The following RARB variants were observed in gnomAD, a reference collection of about 807,000 sequenced individuals.
RARB encodes HBV-activated protein.
RARB carries 17 observed loss-of-function variants against 51.9 expected under a neutral mutation model. That is an observed-to-expected ratio of 0.33 (90% CI 0.22 to 0.49). The LOEUF (loss-of-function observed/expected upper bound fraction) is 0.49, where lower values mean the gene tolerates loss of function less well. Among genes scored for constraint, RARB ranks in the 20% least tolerant of loss-of-function variants. RARB has a pLI of 0.99. For synonymous variants in RARB, 215 were observed against 195.4 expected, an observed-to-expected ratio of 1.10 and a Z score of -0.84; for missense variants, 369 against 550.8, an observed-to-expected ratio of 0.67 and a Z score of 3.30.
intron 2 of RARB, among the ~76,000 whole-genome samples, chr3:25,014,674 A>G (rs1034973247): frequency 3.3e-5 from 5 of 152,080 alleles, no homozygotes; most frequent in Admixed American, 2.6e-4. Flanking sequence ...GCTGTAAGCT[A>G]CTAAGTGGTG....
rs78062701 is a variant in RARB at position 25,580,649 on chromosome 3, G to A, written c.713G>A (p.Arg238His). The stretch of plus-strand genomic sequence containing the variant: ...ATTAAGATCGTGGAGTTTGCTAAAC[G>A]TCTGCCTGGTTTCACTGGCTTGACC... ...CIIKIVEFAK[R>H]LPGFTGLTIA... Residue 238 changes from arginine to histidine, a missense_variant, in exon 5 of 8, where the codon CGT (arginine) becomes CAT (histidine). By Grantham distance (29) the Arg-to-His change is conservative (BLOSUM62 0). Transcript: ENST00000330688. 31 of 1,613,042 alleles carry A rather than the reference G, an allele frequency of 1.9e-5. No individual in the cohort carries two copies. Among genetic ancestry groups the A allele is most frequent in the South Asian group, 8.8e-5 (8 of 90,944 alleles).
intron 2 of RARB, among the ~76,000 whole-genome samples, chr3:24,994,134 G>A (rs904899005): frequency 6.6e-6 from 1 of 151,974 alleles, no homozygotes; most frequent in Non-Finnish European, 1.5e-5. Context: ...GGTGTGTAAG[G>A]CTTCTCTTTT....
intron 3 of RARB, among the ~76,000 whole-genome samples, chr3:25,531,722 TTA>T (rs1491388499): frequency 3.4e-5 from 4 of 119,072 alleles, no homozygotes; most frequent in African/African-American, 9.5e-5. Flanking sequence ...TATAGACACT[TTA>T]AAAAAAAAAA....
intron 3 of RARB, among the ~76,000 whole-genome samples, chr3:25,511,073 A>G (rs995179207): frequency 2.1e-4 from 32 of 152,212 alleles, no homozygotes; most frequent in African/African-American, 7.0e-4. Flanking sequence ...CTTTGTTCCA[A>G]TAAAACTTTA....
Position 25,082,543 on chromosome 3 carries a change from A to G in RARB, c.-328+22367A>G, listed in dbSNP as rs115307877. 5.9e-3 allele frequency among the ~76,000 whole-genome samples: 900 copies of G among 152,172 alleles called. 4 individuals carry two copies. The highest frequency in any genetic ancestry group is 9.6e-3 in the Non-Finnish European group (652 of 67,966). ...CCAAGTATAATGGTAAAACCTTACA[A>G]TGTTACCTTTCTATTTACCCTCTCC... On this transcript the variant is annotated intron_variant, in intron 3 of 11. Coordinates refer to the RARB transcript ENST00000383772.
At chr3:25,149,812 A>G (rs1428955870) in intron 4 of RARB, among the ~76,000 whole-genome samples, 2 of 152,228 alleles carry the variant, frequency 1.3e-5, no homozygotes, top group African/African-American at 4.8e-5. Context: ...CAACTGTGTC[A>G]TACTCCTCAC....
At chr3:25,140,858 A>G (rs1020830785) in intron 4 of RARB, among the ~76,000 whole-genome samples, 2 of 152,190 alleles carry the variant, frequency 1.3e-5, no homozygotes, top group African/African-American at 2.4e-5. Flanking sequence ...CAAGACCTCC[A>G]CCAACAAAAA....
intron 5 of RARB, among the ~76,000 whole-genome samples, chr3:25,314,785 G>A (rs1704379890): frequency 1.3e-5 from 2 of 152,122 alleles, no homozygotes; most frequent in African/African-American, 4.8e-5. Context: ...GGGTATAATT[G>A]ATCCTATCAC....
intron 5 of RARB, among the ~76,000 whole-genome samples, chr3:25,391,591 A>ATCATACCATC (rs374359714): frequency 0.028 from 4,218 of 152,204 alleles, 142 homozygotes; most frequent in East Asian, 0.11. Context: ...TTCTTGCAGA[A>ATCATACCATC]GTAAGATGGT....
intron 5 of RARB, among the ~76,000 whole-genome samples, chr3:25,205,566 C>A (rs1351362317): frequency 1.3e-5 from 2 of 152,076 alleles, no homozygotes; most frequent in African/African-American, 4.8e-5. Flanking sequence ...CATCTTGGAA[C>A]AACCCACTGC....
At position 24,856,772 on chromosome 3, in the gene RARB, A is replaced by G. The variant is rs966551125; in HGVS notation, c.-458-1902A>G. Among the ~76,000 whole-genome samples the G allele has an allele frequency of 4.6e-5, 7 of 152,138 alleles. No homozygotes were observed. The South Asian group carries it at 8.3e-4, about 18-fold the overall frequency. ...TGAACTGCTAGATTTTTCTGCCTTA[A>G]TTTCCCCTCTGTGAGTTCAAGAGGT... is the stretch of plus-strand genomic sequence containing the variant. On this transcript the variant is annotated intron_variant, in intron 1 of 11. Coordinates refer to the RARB transcript ENST00000383772.
intron 2 of RARB, among the ~76,000 whole-genome samples, chr3:25,018,088 G>C (rs1345452170): frequency 6.6e-6 from 1 of 152,140 alleles, no homozygotes; most frequent in African/African-American, 2.4e-5. Flanking sequence ...ATGGTATTTT[G>C]TTATTGCAAC....
At chr3:25,059,053 T>C (rs1698497336) in intron 2 of RARB, among the ~76,000 whole-genome samples, 1 of 151,676 alleles carries the variant, frequency 6.6e-6, no homozygotes, top group African/African-American at 2.4e-5. Context: ...TAAATATTTA[T>C]ACATGTGCAT....
At chr3:24,898,629 T>A (rs181476982) in intron 2 of RARB, among the ~76,000 whole-genome samples, 162 of 152,292 alleles carry the variant, frequency 1.1e-3, no homozygotes, top group African/African-American at 3.3e-3. Context: ...TACTTTTTCT[T>A]CTACTTTTCT....
At chr3:25,225,467 G>A (rs1408055632) in intron 5 of RARB, among the ~76,000 whole-genome samples, 1 of 152,142 alleles carries the variant, frequency 6.6e-6, no homozygotes, top group Non-Finnish European at 1.5e-5. Flanking sequence ...AGGTCAGAAT[G>A]ACTTTGGCCA....
At chr3:25,310,566 T>G (rs1255611286) in intron 5 of RARB, among the ~76,000 whole-genome samples, 1 of 152,212 alleles carries the variant, frequency 6.6e-6, no homozygotes, top group Non-Finnish European at 1.5e-5. Flanking sequence ...TTCAGAGTGA[T>G]TCTTCAGATG....
chr3:24,900,800 C>T (rs1482593966), intron 2 of RARB, among the ~76,000 whole-genome samples: 1 of 152,014 alleles, frequency 6.6e-6, no homozygotes, highest in African/African-American at 2.4e-5. Context: ...GCAGTGATAC[C>T]ACGAAAGTGA....
intron 5 of RARB, among the ~76,000 whole-genome samples, chr3:25,321,192 A>G (rs180988493): frequency 2.0e-5 from 3 of 152,332 alleles, no homozygotes; most frequent in Admixed American, 2.0e-4. Context: ...AAACAGGACA[A>G]TGACCCATTA....
chr3:25,527,925 A>C (rs1698725711), intron 3 of RARB, among the ~76,000 whole-genome samples: 2 of 152,270 alleles, frequency 1.3e-5, no homozygotes, highest in South Asian at 4.2e-4. Context: ...CTCCTACTCA[A>C]AGCATAATGA....
Sources: allele counts gnomAD v4.1 joint callset (sites outside exome capture counted in the v4.1 genomes callset), GRCh38; gene constraint gnomAD v4.1.1; transcripts MANE v1.5; gene names NCBI Gene and HGNC (gene_info 2026-07-23, HGNC 2026-07-21).